Variants in PCDHGB4 observed in about 807,000 individuals in gnomAD.
PCDHGB4 encodes the protein protocadherin gamma-B4.
In PCDHGB4, 38 loss-of-function variants were observed where a neutral mutation model predicts 60.5. That is an observed-to-expected ratio of 0.63 (90% CI 0.48 to 0.82). PCDHGB4 has a LOEUF of 0.82. Ranked by LOEUF, PCDHGB4 falls within the 40% of genes least tolerant of loss-of-function variation. The pLI, the probability that PCDHGB4 is intolerant of heterozygous loss-of-function variation, is 0.00. For synonymous variants in PCDHGB4, 456 were observed against 509.7 expected (o/e 0.89, Z 1.42); for missense variants, 1,109 against 1,209.6 (o/e 0.92, Z 1.23).
chr5:141,431,464 G>A lies in PCDHGB4; in HGVS notation c.2397+41183G>A. The A allele has an allele frequency of 1.9e-6, 3 of 1,613,782 alleles. No individual in the cohort carries two copies. Among genetic ancestry groups the A allele is most frequent in the Non-Finnish European group, 1.7e-6 (2 of 1,179,972 alleles). ...GCATCCGCGTGATGGTTCTGGATGC[G>A]AACGACAACGCACCAGCGTTTGCTC... On this transcript the variant is annotated intron_variant, in intron 1 of 3. Coordinates refer to ENST00000519479, the MANE Select transcript of PCDHGB4 (RefSeq NM_003736.4). This position sits in a 1 kb window ranked among gnomAD's most constrained non-coding sequence, Gnocchi z 4.8.
chr5:141,473,367 T>C (rs1343477225), intron 1 of PCDHGB4, among the ~76,000 whole-genome samples: 1 of 152,178 alleles, frequency 6.6e-6, no homozygotes, highest in Non-Finnish European at 1.5e-5. Flanking sequence ...GCCACCAAAA[T>C]AGCATGGTCC....
chr5:141,444,282 C>T (rs1341316344), intron 1 of PCDHGB4, among the ~76,000 whole-genome samples: 1 of 148,268 alleles, frequency 6.7e-6, no homozygotes, highest in African/African-American at 2.5e-5. Flanking sequence ...AGTGATTCTC[C>T]TGCCTCAGCC....
rs201073884 is a variant in PCDHGB4 at position 141,486,264 on chromosome 5, A to C, written c.2398-8543A>C. On this transcript the variant is annotated intron_variant, in intron 1 of 3. Coordinates refer to ENST00000519479, the MANE Select transcript of PCDHGB4 (RefSeq NM_003736.4). This position sits in a 1 kb window ranked among gnomAD's most constrained non-coding sequence, Gnocchi z 5.0. The stretch of plus-strand genomic sequence containing the variant: ...CTTGGAACCCTCCCCGAGAGTGCAG[A>C]ACCTGGCACTGTGGTGGCACTTATC... 8 of 1,614,032 alleles carry C rather than the reference A, an allele frequency of 5.0e-6. No individual in the cohort carries two copies. The East Asian group carries it at 1.6e-4, about 31-fold the overall frequency.
Position 141,505,420 on chromosome 5 carries a change from C to G in PCDHGB4, c.2484C>G (p.Thr828=), listed in dbSNP as rs1236398971. 6.2e-7 allele frequency: 1 copy of G among 1,614,102 alleles called. No individual in the cohort carries two copies. Among genetic ancestry groups the G allele is most frequent in the Non-Finnish European group, 8.5e-7 (1 of 1,180,034 alleles). ...SGSQNGDDTG[T]WPNNQFDTEM... is the part of the protein sequence containing the mutation. ...CCCAAAATGGCGATGACACCGGCACCTGGCCCAACAACCAGTTTGACACAG... is the reference window on the plus strand; with the variant it reads ...CCCAAAATGGCGATGACACCGGCACGTGGCCCAACAACCAGTTTGACACAG... The change falls in exon 3 of 4, where the codon ACC becomes ACG. Residue 828 remains threonine (T), a synonymous_variant. Coordinates refer to ENST00000519479, the MANE Select transcript of PCDHGB4 (RefSeq NM_003736.4).
intron 1 of PCDHGB4, chr5:141,423,124 C>T (rs748586131): frequency 1.9e-6 from 3 of 1,613,778 alleles, no homozygotes; most frequent in Non-Finnish European, 1.7e-6. Context: ...AGCGCGGGCA[C>T]TGCTGGACAG....
In PCDHGB4 at chr5:141,511,502, A is replaced by G. The variant is rs953158220; in HGVS notation, c.*329A>G. ...CTGAACTCCTCCATCTTCCAAATCAATCAGGCCCATCCATCCCATGCCTCC... is the reference window on the plus strand; with the variant it reads ...CTGAACTCCTCCATCTTCCAAATCAGTCAGGCCCATCCATCCCATGCCTCC... On this transcript the variant is annotated 3_prime_UTR_variant, in exon 4 of 4. Transcript: ENST00000519479. The G allele has an allele frequency of 1.3e-5, 5 of 395,150 alleles. No homozygotes were observed. Among genetic ancestry groups the G allele is most frequent in the African/African-American group, 1.0e-4 (5 of 48,770 alleles). The allele number at this position is 395,150 out of a possible 1,614,324, so 24.5% of individuals were successfully genotyped here.
Position 141,489,147 on chromosome 5 carries a change from A to G in PCDHGB4, c.2398-5660A>G. On this transcript the variant is annotated intron_variant, in intron 1 of 3. Coordinates refer to ENST00000519479, the MANE Select transcript of PCDHGB4 (RefSeq NM_003736.4). The surrounding 1 kb of genome is among the most constrained non-coding windows in gnomAD (Gnocchi z 4.5). ...GCAGTTTTTAAGAGGCTGGAAGGAG[A>G]CATAAGAGACTTCAGCTGCTGCATT... The G allele has an allele frequency of 1.2e-6, 1 of 802,676 alleles. No homozygotes were observed. Among genetic ancestry groups the G allele is most frequent in the Non-Finnish European group, 1.9e-6 (1 of 528,868 alleles). 49.7% of individuals were successfully genotyped at this position (802,676 alleles called of 1,614,324 possible). A position where few individuals can be genotyped will look rare whatever the true frequency, so the allele number is the denominator to read the frequency against.
At chr5:141,475,491 C>T (rs1321482409) in intron 1 of PCDHGB4, among the ~76,000 whole-genome samples, 2 of 152,202 alleles carry the variant, frequency 1.3e-5, no homozygotes, top group African/African-American at 4.8e-5. Flanking sequence ...AGAGATAAAA[C>T]TGAAATTATT....
At position 141,476,632 on chromosome 5, in the gene PCDHGB4, T is replaced by A. The variant is rs994726301; in HGVS notation, c.2398-18175T>A. ...TGGGAAGCAACTCTTTACAAACCTATGAGCTGAGCCGAAATGAATACTTTG... is the reference window on the plus strand; with the variant it reads ...TGGGAAGCAACTCTTTACAAACCTAAGAGCTGAGCCGAAATGAATACTTTG... On this transcript the variant is annotated intron_variant, in intron 1 of 3. Transcript: ENST00000519479. The surrounding 1 kb of genome is among the most constrained non-coding windows in gnomAD (Gnocchi z 7.6). 1 of 1,614,216 alleles carries A rather than the reference T, an allele frequency of 6.2e-7. No individual in the cohort carries two copies. The highest frequency in any genetic ancestry group is 8.5e-7 in the Non-Finnish European group (1 of 1,180,028).
At position 141,388,405 on chromosome 5, in the gene PCDHGB4, C is replaced by A; in HGVS notation, c.521C>A (p.Pro174His). The A allele has an allele frequency of 6.2e-7, 1 of 1,613,892 alleles. No homozygotes were observed. The highest frequency in any genetic ancestry group is 8.5e-7 in the Non-Finnish European group (1 of 1,179,862). The part of the protein sequence containing the change: ...SNTLQNYQLS[P>H]SDHFSLINKE... ...ACACTGCAGAATTACCAACTCAGTC[C>A]CAGTGATCATTTCTCACTGATAAAT... The change falls in exon 1 of 4, where the codon CCC (proline) becomes CAC (histidine). Residue 174 changes from proline to histidine, a missense_variant. Pro to His is a moderately conservative substitution (Grantham distance 77, BLOSUM62 -2). Around this residue, in one of 2 missense-constraint regions of PCDHGB4, gnomAD observed 1,068 missense variants for 1,089.9 expected, o/e 0.98. Transcript: ENST00000519479.
At chr5:141,478,247 G>T in intron 1 of PCDHGB4, 1 of 1,614,076 alleles carries the variant, frequency 6.2e-7, no homozygotes, top group Non-Finnish European at 8.5e-7. Context: ...CACAGTGTTC[G>T]GAGTAATCAT....
chr5:141,401,940 A>T (rs1423719749), intron 1 of PCDHGB4, among the ~76,000 whole-genome samples: 1 of 152,236 alleles, frequency 6.6e-6, no homozygotes, highest in Non-Finnish European at 1.5e-5. Flanking sequence ...AATAATGTTT[A>T]AGACCACTTT....
rs750036800 is a variant in PCDHGB4, at chr5:141,419,495, G to A, written c.2397+29214G>A. On this transcript the variant is annotated intron_variant, in intron 1 of 3. Coordinates refer to ENST00000519479, the MANE Select transcript of PCDHGB4 (RefSeq NM_003736.4). ...GGGCTCGCCCGCGCTCAGCGCCAAT[G>A]TGAGCCTGCGCGTGTTGGTGGGCGA... The A allele has an allele frequency of 5.0e-6, 8 of 1,612,432 alleles. No individual in the cohort carries two copies. The Admixed American group carries it at 1.3e-4, about 27-fold the overall frequency.
At chr5:141,421,363 G>T (rs749916401) in intron 1 of PCDHGB4, 2 of 1,613,898 alleles carry the variant, frequency 1.2e-6, no homozygotes, top group South Asian at 2.2e-5. Flanking sequence ...GGGCTCCTTC[G>T]TGGGCAATAT....
intron 1 of PCDHGB4, chr5:141,428,912 T>C (rs1010303812): frequency 6.6e-6 from 1 of 151,946 alleles, no homozygotes; most frequent in Non-Finnish European, 1.5e-5. Context: ...TGGAGTGCAG[T>C]GGCATGATCT....
At chr5:141,415,372 G>A in intron 1 of PCDHGB4, 1 of 1,614,252 alleles carries the variant, frequency 6.2e-7, no homozygotes, top group Non-Finnish European at 8.5e-7. Flanking sequence ...GCAGGCTTCA[G>A]GAGGCGGCTT....
At chr5:141,472,994 A>AAAG (rs2099310386) in intron 1 of PCDHGB4, among the ~76,000 whole-genome samples, 1 of 151,692 alleles carries the variant, frequency 6.6e-6, no homozygotes, top group Non-Finnish European at 1.5e-5. Flanking sequence ...AAAAAAAAAA[A>AAAG]AAAGAAAGAA....
intron 1 of PCDHGB4, chr5:141,409,830 G>C: frequency 6.2e-7 from 1 of 1,611,250 alleles, no homozygotes; most frequent in Non-Finnish European, 8.5e-7. Context: ...CCCACGCTCA[G>C]CGCCAACGTG....
chr5:141,478,481 C>A, intron 1 of PCDHGB4: 1 of 1,613,576 alleles, frequency 6.2e-7, no homozygotes, highest in South Asian at 1.1e-5. Flanking sequence ...CCAGAACACG[C>A]TGCGGAGCTG....
Sources: gnomAD v4.1 joint callset for allele counts (sites outside exome capture counted in the v4.1 genomes callset) on GRCh38, gnomAD v4.1.1 for gene constraint, gnomAD v4.1.1 regional missense constraint, Gnocchi (gnomAD v3.1) non-coding constraint, MANE v1.5 for transcripts, NCBI Gene and HGNC (gene_info 2026-07-23, HGNC 2026-07-21) for gene names.